KCNK5: variants seen among roughly 807,000 people sequenced by gnomAD.
KCNK5 encodes the protein potassium channel subfamily K member 5.
Under a neutral mutation model 32.9 loss-of-function variants are expected in KCNK5, and 18 were observed. The observed-to-expected ratio is 0.55, with a 90% CI of 0.38 to 0.81. KCNK5 has a LOEUF of 0.81. KCNK5 is among the 30% of genes least tolerant of loss of function. The pLI is 0.00. For missense variants in KCNK5, 507 were observed against 651.0 expected (o/e 0.78, Z 2.41); for synonymous variants, 276 against 275.3 (o/e 1.00, Z -0.03).
chr6:39,208,044 G>C (rs1771260060), intron 1 of KCNK5, among the ~76,000 whole-genome samples: 1 of 152,008 alleles, frequency 6.6e-6, no homozygotes, highest in Admixed American at 6.5e-5. Context: ...CAACCCAGGG[G>C]CCTCCTCACC....
At chr6:39,209,300 C>T (rs1264955448) in intron 1 of KCNK5, among the ~76,000 whole-genome samples, 1 of 152,142 alleles carries the variant, frequency 6.6e-6, no homozygotes, top group African/African-American at 2.4e-5. Context: ...CCTGACCATG[C>T]ACTACCCCTG....
chr6:39,194,818 G>T lies in KCNK5; in HGVS notation c.299-58C>A. ...AGGGGTGGTCAAACCAGTGGGCCTT[G>T]CTTCCAACACACACACAGCCCGTTC... On this transcript the variant is annotated intron_variant, in intron 2 of 4. Coordinates refer to ENST00000359534, the MANE Select transcript of KCNK5 (RefSeq NM_003740.4). This position sits in a 1 kb window ranked among gnomAD's most constrained non-coding sequence, Gnocchi z 4.7. The T allele has an allele frequency of 6.8e-7, 1 of 1,461,396 alleles. No individual in the cohort carries two copies. Among genetic ancestry groups the T allele is most frequent in the Non-Finnish European group, 9.6e-7 (1 of 1,046,146 alleles). The allele number at this position is 1,461,396 out of a possible 1,614,324, so 90.5% of individuals were successfully genotyped here.
At chr6:39,222,796 T>C (rs1255291274) in intron 1 of KCNK5, among the ~76,000 whole-genome samples, 5 of 152,182 alleles carry the variant, frequency 3.3e-5, no homozygotes, top group Non-Finnish European at 7.3e-5. Flanking sequence ...GCAAAAGAAA[T>C]ACTATATGAC....
At chr6:39,206,140 AAGCTGGTGACCCAG>A (rs1771221988) in intron 1 of KCNK5, among the ~76,000 whole-genome samples, 2 of 150,626 alleles carry the variant, frequency 1.3e-5, no homozygotes, top group Non-Finnish European at 2.9e-5. Context: ...GCCAAACAGC[AAGCTGGTGACCCAG>A]CAGAGCAGGT....
chr6:39,211,390 T>C (rs1771335211), intron 1 of KCNK5, among the ~76,000 whole-genome samples: 1 of 152,214 alleles, frequency 6.6e-6, no homozygotes, highest in Non-Finnish European at 1.5e-5. Context: ...AAACACATGC[T>C]TTCTGTCAGC....
chr6:39,207,403 G>A (rs1771247635), intron 1 of KCNK5, among the ~76,000 whole-genome samples: 1 of 152,188 alleles, frequency 6.6e-6, no homozygotes, highest in Admixed American at 6.5e-5. Flanking sequence ...ATGAATGACT[G>A]AGTCTCCAAG....
At position 39,190,499 on chromosome 6, in the gene KCNK5, C is replaced by T. The variant is rs574893131; in HGVS notation, c.*391G>A. 41 of 165,674 alleles carry T rather than the reference C, an allele frequency of 2.5e-4. No individual in the cohort carries two copies. Among genetic ancestry groups the T allele is most frequent in the Non-Finnish European group, 3.9e-4 (30 of 77,308 alleles). The allele number at this position is 165,674 out of a possible 1,614,324, so 10.3% of individuals were successfully genotyped here. ...CTCCAAATGCCGAGCTCAGTAATAC[C>T]GGTAAACTTAAACAGCTGAGGCCCC... On this transcript the variant is annotated 3_prime_UTR_variant, in exon 5 of 5. Transcript: ENST00000359534.
Position 39,194,314 on chromosome 6 carries a change from T to C in KCNK5, c.489A>G (p.Thr163=), listed in dbSNP as rs1283817376. Residue 163 remains threonine (T), a synonymous_variant, in exon 4 of 5, where the codon ACA becomes ACG. Coordinates refer to ENST00000359534, the MANE Select transcript of KCNK5 (RefSeq NM_003740.4). The surrounding 1 kb of genome is among the most constrained non-coding windows in gnomAD (Gnocchi z 4.7). ...GGACGCCCCACACGATGAAGATGACTGTGCACGTGATCTGCGCCTTCCGCT... is the reference window on the plus strand; with the variant it reads ...GGACGCCCCACACGATGAAGATGACCGTGCACGTGATCTGCGCCTTCCGCT... ...VSLRKAQITC[T]VIFIVWGVLV... 2 of 1,611,964 alleles carry C rather than the reference T, an allele frequency of 1.2e-6. No homozygotes were observed. Among genetic ancestry groups the C allele is most frequent in the Non-Finnish European group, 1.7e-6 (2 of 1,178,602 alleles).
intron 1 of KCNK5, among the ~76,000 whole-genome samples, chr6:39,210,504 G>A (rs1443082558): frequency 1.3e-5 from 2 of 152,194 alleles, no homozygotes; most frequent in African/African-American, 4.8e-5. Context: ...CCAGCTCCCC[G>A]ACCCATGCAC....
chr6:39,201,650 G>A (rs1001607264), intron 1 of KCNK5, among the ~76,000 whole-genome samples: 3 of 152,156 alleles, frequency 2.0e-5, no homozygotes, highest in Admixed American at 6.5e-5. Flanking sequence ...TCTTATGTGC[G>A]TGTGCTTGGT....
intron 1 of KCNK5, among the ~76,000 whole-genome samples, chr6:39,217,835 T>G (rs1365878953): frequency 6.6e-6 from 1 of 152,154 alleles, no homozygotes; most frequent in African/African-American, 2.4e-5. Context: ...CATCGGATCC[T>G]TTCTGCCTGA....
intron 1 of KCNK5, among the ~76,000 whole-genome samples, chr6:39,200,739 C>A (rs1047667902): frequency 6.6e-6 from 1 of 152,244 alleles, no homozygotes; most frequent in African/African-American, 2.4e-5. Context: ...TTGCCCAGAG[C>A]TTCAGATGTC....
At chr6:39,217,897 A>G (rs1771469554) in intron 1 of KCNK5, among the ~76,000 whole-genome samples, 1 of 152,110 alleles carries the variant, frequency 6.6e-6, no homozygotes, top group Admixed American at 6.5e-5. Context: ...GGGGTTCAAC[A>G]CAATTTCAAC....
At chr6:39,214,913 G>A (rs1287282653) in intron 1 of KCNK5, among the ~76,000 whole-genome samples, 1 of 152,158 alleles carries the variant, frequency 6.6e-6, no homozygotes, top group Non-Finnish European at 1.5e-5. Context: ...AACCCCAAAG[G>A]CAGAAATGAT....
intron 1 of KCNK5, among the ~76,000 whole-genome samples, chr6:39,222,896 T>C (rs1439983897): frequency 6.6e-6 from 1 of 152,086 alleles, no homozygotes; most frequent in East Asian, 1.9e-4. Flanking sequence ...GGGAGAAGAA[T>C]TGTTGTTGAA....
intron 1 of KCNK5, among the ~76,000 whole-genome samples, chr6:39,207,313 T>C (rs983376362): frequency 6.6e-6 from 1 of 152,254 alleles, no homozygotes; most frequent in African/African-American, 2.4e-5. Flanking sequence ...AAATAGATCA[T>C]GAGCCCTACA....
At chr6:39,212,798 C>T (rs1771365118) in intron 1 of KCNK5, among the ~76,000 whole-genome samples, 1 of 152,244 alleles carries the variant, frequency 6.6e-6, no homozygotes. Flanking sequence ...ACTTGGTCTG[C>T]AGACCAAAGG....
Position 39,229,118 on chromosome 6 carries a change from C to G in KCNK5, c.-7G>C. 5 of 1,613,436 alleles carry G rather than the reference C, an allele frequency of 3.1e-6. No homozygotes were observed. The highest frequency in any genetic ancestry group is 4.2e-6 in the Non-Finnish European group (5 of 1,179,730). ...GAGGGCCCCGGTCCACCATGGCTCC[C>G]GAGCGGCCGCCTCCTAGAGAAAGCC... On this transcript the variant is annotated 5_prime_UTR_variant, in exon 1 of 5. Coordinates refer to ENST00000359534, the MANE Select transcript of KCNK5 (RefSeq NM_003740.4).
chr6:39,223,360 CCTCT>C (rs929744607), intron 1 of KCNK5, among the ~76,000 whole-genome samples: 2 of 152,320 alleles, frequency 1.3e-5, no homozygotes, highest in African/African-American at 2.4e-5. Flanking sequence ...GGCAGCACAT[CCTCT>C]CTCTATGTAC....
Sources: gnomAD v4.1 joint callset for allele counts (sites outside exome capture counted in the v4.1 genomes callset) on GRCh38, gnomAD v4.1.1 for gene constraint, Gnocchi (gnomAD v3.1) non-coding constraint, MANE v1.5 for transcripts, NCBI Gene and HGNC (gene_info 2026-07-23, HGNC 2026-07-21) for gene names.